CDH23: variants seen among roughly 807,000 people sequenced by gnomAD.
The protein encoded by CDH23 is cadherin related 23, also known as cadherin-23.
CDH23 carries 189 observed loss-of-function variants against 317.1 expected under a neutral mutation model. The ratio of observed to expected loss-of-function variants is 0.60; its 90% CI spans 0.53 to 0.67. The LOEUF (loss-of-function observed/expected upper bound fraction) is 0.67. CDH23 is among the 30% of genes least tolerant of loss of function. The probability of loss-of-function intolerance (pLI) is 0.00; values close to 1 mark genes in which losing one functional copy is unlikely to be tolerated. For missense variants in CDH23, 4,401 were observed against 4,592.4 expected, an observed-to-expected ratio of 0.96 and a Z score of 1.20; for synonymous variants, 1,839 against 1,876.8, an observed-to-expected ratio of 0.98 and a Z score of 0.52.
At chr10:71,753,058 C>A in intron 38 of CDH23, 1 of 1,588,226 alleles carries the variant, frequency 6.3e-7, no homozygotes, top group Non-Finnish European at 8.6e-7. Flanking sequence ...CCCCATACAA[C>A]ATCCCTGCCC....
intron 3 of CDH23, among the ~76,000 whole-genome samples, chr10:71,503,487 A>C (rs1300371911): frequency 3.3e-5 from 5 of 152,168 alleles, no homozygotes. Flanking sequence ...ACCTCTGGGC[A>C]GTTGTTAGCA....
At chr10:71,789,413 G>A (rs1841185427) in intron 45 of CDH23, among the ~76,000 whole-genome samples, 1 of 152,170 alleles carries the variant, frequency 6.6e-6, no homozygotes, top group Non-Finnish European at 1.5e-5. Context: ...CCTTCTGGAA[G>A]CCCTGGGGAG....
Position 71,788,782 on chromosome 10 carries a change from G to T in CDH23, c.5821-158G>T, listed in dbSNP as rs370234518. 3.3e-5 allele frequency among the ~76,000 whole-genome samples: 5 copies of T among 152,176 alleles called. No homozygotes were observed. The East Asian group carries it at 9.6e-4, about 29-fold the overall frequency. ...ATTTTTTCATGTTTGTTGCCCTCTT[G>T]TATGTCTTCTTTTGAAAAATGTGAG... On this transcript the variant is annotated intron_variant, in intron 44 of 69. Transcript: ENST00000224721.
At chr10:71,803,174 C>T (rs558673290) in intron 54 of CDH23, 35 bp from the exon 55 acceptor site, 3 of 1,606,656 alleles carry the variant, frequency 1.9e-6, no homozygotes. Context: ...GGAAGGATGT[C>T]TCAACCAGAG....
chr10:71,607,445 A>T (rs1250298850), intron 9 of CDH23, among the ~76,000 whole-genome samples: 1 of 152,214 alleles, frequency 6.6e-6, no homozygotes, highest in Non-Finnish European at 1.5e-5. Context: ...TGTCTGTCTC[A>T]GGGGTTTTGT....
In CDH23 at chr10:71,791,188, A is replaced by G; in HGVS notation, c.6106A>G (p.Ile2036Val). Residue 2036 changes from isoleucine (I) to valine (V), a missense_variant, in exon 47 of 70, where the codon ATC becomes GTC. Transcript: ENST00000224721. ...TGACCGGGAGGCATTCTCGCCACCC[A>G]TCCTGGAGCTGCTGCTGCTGGCTGA... ...IIDREAFSPP[I>V]LELLLLAEDI... 1 of 1,613,358 alleles carries G rather than the reference A, an allele frequency of 6.2e-7. No homozygotes were observed. The highest frequency in any genetic ancestry group is 8.5e-7 in the Non-Finnish European group (1 of 1,179,648).
chr10:71,438,378 G>GA (rs1358645773), intron 1 of CDH23, among the ~76,000 whole-genome samples: 2 of 147,060 alleles, frequency 1.4e-5, no homozygotes, highest in Admixed American at 6.8e-5. Flanking sequence ...AAGAAAGAAA[G>GA]AAAAAAAAGA....
intron 1 of CDH23, among the ~76,000 whole-genome samples, chr10:71,408,486 C>T (rs1351773807): frequency 6.6e-6 from 1 of 152,208 alleles, no homozygotes; most frequent in African/African-American, 2.4e-5. Context: ...CCCCCAAATT[C>T]TCCCCCTCAC....
At chr10:71,474,574 G>A (rs2132097348) in intron 3 of CDH23, among the ~76,000 whole-genome samples, 1 of 152,354 alleles carries the variant, frequency 6.6e-6, no homozygotes, top group South Asian at 2.1e-4. Flanking sequence ...TGTTAGACCT[G>A]TGCCTCAGTT....
intron 3 of CDH23, among the ~76,000 whole-genome samples, chr10:71,450,901 C>G (rs571525633): frequency 1.3e-5 from 2 of 152,208 alleles, no homozygotes; most frequent in East Asian, 3.9e-4. Flanking sequence ...AGGGAAGACT[C>G]CAGACTCCTA....
At chr10:71,550,989 A>G (rs1215603091) in intron 6 of CDH23, among the ~76,000 whole-genome samples, 1 of 152,216 alleles carries the variant, frequency 6.6e-6, no homozygotes, top group East Asian at 1.9e-4. Flanking sequence ...CAGAAAACAT[A>G]TACACATATT....
chr10:71,603,461 ACAGC>A (rs72330722), intron 9 of CDH23, among the ~76,000 whole-genome samples: 49,760 of 151,806 alleles, frequency 0.33, 10,208 homozygotes, highest in African/African-American at 0.57. Context: ...GGCAGAACAG[ACAGC>A]CAGCCCTCTG....
chr10:71,424,236 C>G (rs1238488603), intron 1 of CDH23, among the ~76,000 whole-genome samples: 1 of 152,260 alleles, frequency 6.6e-6, no homozygotes, highest in Admixed American at 6.5e-5. Flanking sequence ...CCCAGGTAGA[C>G]TTGTCCCTTT....
At chr10:71,659,940 C>A (rs1250014544) in intron 14 of CDH23, among the ~76,000 whole-genome samples, 1 of 140,684 alleles carries the variant, frequency 7.1e-6, no homozygotes, top group African/African-American at 2.6e-5. Context: ...TGTTTCTTTT[C>A]TTTTCTTTTC....
At chr10:71,591,354 T>C (rs748662482) in intron 9 of CDH23, among the ~76,000 whole-genome samples, 1 of 152,216 alleles carries the variant, frequency 6.6e-6, no homozygotes, top group Non-Finnish European at 1.5e-5. Context: ...AGAATTTCCA[T>C]TTCTGTCAGT....
intron 11 of CDH23, among the ~76,000 whole-genome samples, chr10:71,633,591 G>C (rs897286604): frequency 4.6e-5 from 7 of 152,166 alleles, no homozygotes; most frequent in Non-Finnish European, 2.9e-5. Context: ...TAAGACATTT[G>C]TGATGTCTTT....
intron 3 of CDH23, among the ~76,000 whole-genome samples, chr10:71,477,128 T>C (rs765723184): frequency 1.3e-5 from 2 of 152,060 alleles, no homozygotes; most frequent in Non-Finnish European, 2.9e-5. Context: ...CTGCAGATGT[T>C]GTGTGTCTGA....
intron 1 of CDH23, among the ~76,000 whole-genome samples, chr10:71,399,059 T>TC (rs934847759): frequency 6.6e-6 from 1 of 152,168 alleles, no homozygotes; most frequent in African/African-American, 2.4e-5. Context: ...CTGGAATAGC[T>TC]CCCCCACTCA....
Position 71,397,134 on chromosome 10 carries a change from G to A in CDH23, c.-190G>A, listed in dbSNP as rs1425647021. On this transcript the variant is annotated 5_prime_UTR_variant, in exon 1 of 70. Transcript: ENST00000224721. This position sits in a 1 kb window ranked among gnomAD's most constrained non-coding sequence, Gnocchi z 4.8. ...CGGCGCGCCTGAAGTTGCGAGCGGC[G>A]AGCGGCGAGCGGCGAGCGGCCCGCG... is the stretch of plus-strand genomic sequence containing the variant. 1.1e-5 allele frequency: 2 copies of A among 181,228 alleles called. No individual in the cohort carries two copies. Among genetic ancestry groups the A allele is most frequent in the African/African-American group, 2.4e-5 (1 of 40,888 alleles). The allele number at this position is 181,228 out of a possible 1,614,324, so 11.2% of individuals were successfully genotyped here. A position where few individuals can be genotyped will look rare whatever the true frequency, so the allele number is the denominator to read the frequency against.
Sources: gnomAD v4.1 joint callset for allele counts (sites outside exome capture counted in the v4.1 genomes callset) on GRCh38, gnomAD v4.1.1 for gene constraint, Gnocchi (gnomAD v3.1) non-coding constraint, MANE v1.5 for transcripts, NCBI Gene and HGNC (gene_info 2026-07-23, HGNC 2026-07-21) for gene names.